Variants in PTGER4 observed in about 807,000 individuals in gnomAD.
PTGER4 encodes the protein prostaglandin E2 receptor EP4 subtype.
In PTGER4, 11 loss-of-function variants were observed where a neutral mutation model predicts 33.2. The observed-to-expected ratio is 0.33, with a 90% CI of 0.21 to 0.55. PTGER4 has a LOEUF of 0.55. Ranked by LOEUF, PTGER4 falls within the 20% of genes least tolerant of loss-of-function variation. PTGER4 has a pLI of 0.92. For missense variants in PTGER4, 481 were observed against 650.2 expected, an observed-to-expected ratio of 0.74 and a Z score of 2.83; for synonymous variants, 275 against 281.5, an observed-to-expected ratio of 0.98 and a Z score of 0.23.
the PTGER4 span, chr5:40,716,296 G>GC: frequency 6.2e-7 from 1 of 1,614,140 alleles, no homozygotes; most frequent in Non-Finnish European, 8.5e-7. Context: ...TGCACAAACA[G>GC]CAACAATCTC....
the PTGER4 span, among the ~76,000 whole-genome samples, chr5:40,743,879 C>A: frequency 6.6e-6 from 1 of 152,178 alleles, no homozygotes; most frequent in Non-Finnish European, 1.5e-5. Context: ...GTTCTCCATC[C>A]AAAATAAAGC....
the PTGER4 span, among the ~76,000 whole-genome samples, chr5:40,723,846 C>T: frequency 1.3e-5 from 2 of 152,004 alleles, no homozygotes; most frequent in Non-Finnish European, 2.9e-5. Flanking sequence ...GCCTGGGCGA[C>T]AGAGCAAGAT....
At chr5:40,716,492 G>A in the PTGER4 span, 73 of 1,582,902 alleles carry the variant, frequency 4.6e-5, no homozygotes, top group African/African-American at 8.2e-5. Flanking sequence ...TGAAAACTTC[G>A]AATTGCCTAG....
the PTGER4 span, among the ~76,000 whole-genome samples, chr5:40,710,280 A>T: frequency 2.6e-5 from 4 of 152,230 alleles, no homozygotes; most frequent in African/African-American, 9.6e-5. Flanking sequence ...ATGAACAGAC[A>T]TTTCTCAAAA....
the PTGER4 span, among the ~76,000 whole-genome samples, chr5:40,723,870 A>AAAAC: frequency 1.3e-5 from 2 of 152,186 alleles, no homozygotes; most frequent in African/African-American, 4.8e-5. Flanking sequence ...CTCTCAAAAA[A>AAAAC]AAACAAACAA....
At chr5:40,684,545 G>A (rs1406118626) in intron 2 of PTGER4, among the ~76,000 whole-genome samples, 1 of 152,056 alleles carries the variant, frequency 6.6e-6, no homozygotes, top group Non-Finnish European at 1.5e-5. Context: ...GAGGGGGGTT[G>A]GTATTGAGTT....
chr5:40,716,510 G>A, the PTGER4 span: 7 of 1,557,672 alleles, frequency 4.5e-6, no homozygotes, highest in Non-Finnish European at 6.1e-6. Context: ...TAGAAAATAA[G>A]GTCAGAGTTT....
Position 40,692,565 on chromosome 5 carries a change from C to A in PTGER4, c.*187C>A, listed in dbSNP as rs569048711. 7.2e-7 allele frequency: 1 copy of A among 1,384,200 alleles called. No individual in the cohort carries two copies. Among genetic ancestry groups the A allele is most frequent in the Non-Finnish European group, 9.3e-7 (1 of 1,071,640 alleles). 85.7% of individuals were successfully genotyped at this position (1,384,200 alleles called of 1,614,324 possible). Reference sequence around the variant, plus strand: ...TGACTCACGTGGGTCCTGAGGCCTGCAGCACGTCGGATGCTACCCCACTAT... The same window carrying A: ...TGACTCACGTGGGTCCTGAGGCCTGAAGCACGTCGGATGCTACCCCACTAT... On this transcript the variant is annotated 3_prime_UTR_variant, in exon 3 of 3. Transcript: ENST00000302472.
At chr5:40,719,213 T>C in the PTGER4 span, among the ~76,000 whole-genome samples, 1 of 152,200 alleles carries the variant, frequency 6.6e-6, no homozygotes, top group Non-Finnish European at 1.5e-5. Flanking sequence ...TGGCAGTTAC[T>C]CCTCATTTCT....
chr5:40,725,898 G>A, the PTGER4 span, among the ~76,000 whole-genome samples: 1 of 149,720 alleles, frequency 6.7e-6, no homozygotes, highest in Non-Finnish European at 1.5e-5. Flanking sequence ...CCATTCTCCT[G>A]CCTCAGCCTC....
the PTGER4 span, among the ~76,000 whole-genome samples, chr5:40,737,223 G>C: frequency 6.6e-6 from 1 of 151,740 alleles, no homozygotes; most frequent in African/African-American, 2.4e-5. Context: ...CTTGAACCTG[G>C]AAAGTGGAGA....
chr5:40,690,518 T>C (rs1200323749), intron 2 of PTGER4, among the ~76,000 whole-genome samples: 2 of 152,234 alleles, frequency 1.3e-5, no homozygotes, highest in Non-Finnish European at 2.9e-5. Flanking sequence ...TGAAATGTGA[T>C]GTCTTTCCTT....
chr5:40,724,452 G>A, the PTGER4 span, among the ~76,000 whole-genome samples: 5 of 152,044 alleles, frequency 3.3e-5, no homozygotes, highest in Non-Finnish European at 7.4e-5. Context: ...GGCCAACACG[G>A]TGAAACCCTG....
At chr5:40,733,319 T>C in the PTGER4 span, among the ~76,000 whole-genome samples, 1 of 152,272 alleles carries the variant, frequency 6.6e-6, no homozygotes, top group Non-Finnish European at 1.5e-5. Flanking sequence ...GTCCATATAG[T>C]AAACATTTTA....
chr5:40,711,866 G>A, the PTGER4 span, among the ~76,000 whole-genome samples: 1 of 151,938 alleles, frequency 6.6e-6, no homozygotes, highest in Non-Finnish European at 1.5e-5. Context: ...CAAATCTAAC[G>A]TATAGCCACA....
rs1741206500 is a variant in PTGER4, at chr5:40,681,956, A to G, written c.867+96A>G. The G allele has an allele frequency of 1.4e-6, 2 of 1,389,198 alleles. No homozygotes were observed. Among genetic ancestry groups the G allele is most frequent in the Non-Finnish European group, 1.9e-6 (2 of 1,053,352 alleles). The allele number at this position is 1,389,198 out of a possible 1,614,324, so 86.1% of individuals were successfully genotyped here. A position where few individuals can be genotyped will look rare whatever the true frequency, so the allele number is the denominator to read the frequency against. On this transcript the variant is annotated intron_variant, in intron 2 of 2. Coordinates refer to ENST00000302472, the MANE Select transcript of PTGER4 (RefSeq NM_000958.3). The surrounding 1 kb of genome is among the most constrained non-coding windows in gnomAD (Gnocchi z 9.8). The stretch of plus-strand genomic sequence containing the variant: ...CCTGCTTTCCCTCTGAGTCCTTGGC[A>G]GTGAACGTGTCGCCTTTAGGTCGGG...
Position 40,681,023 on chromosome 5 carries a change from C to A in PTGER4, c.30C>A (p.Ala10=). ...CCACTCCCGGGGTCAATTCGTCCGC[C>A]TCCTTGAGCCCCGACCGGCTGAACA... MSTPGVNSS[A]SLSPDRLNSP... is the part of the protein sequence containing the mutation. The change falls in exon 2 of 3, where the codon GCC becomes GCA. Residue 10 remains alanine, a synonymous_variant. Coordinates refer to ENST00000302472, the MANE Select transcript of PTGER4 (RefSeq NM_000958.3). This position sits in a 1 kb window ranked among gnomAD's most constrained non-coding sequence, Gnocchi z 9.8. 6.2e-7 allele frequency: 1 copy of A among 1,613,728 alleles called. No homozygotes were observed. The highest frequency in any genetic ancestry group is 8.5e-7 in the Non-Finnish European group (1 of 1,179,840).
chr5:40,720,026 A>C, the PTGER4 span, among the ~76,000 whole-genome samples: 45,264 of 152,042 alleles, frequency 0.3, 6,993 homozygotes, highest in East Asian at 0.56. Flanking sequence ...TTTGAAGCAC[A>C]AAAGTGTTTA....
chr5:40,724,443 G>A, the PTGER4 span, among the ~76,000 whole-genome samples: 1 of 151,982 alleles, frequency 6.6e-6, no homozygotes, highest in African/African-American at 2.4e-5. Context: ...GACCAGCCTG[G>A]CCAACACGGT....
Sources: allele counts gnomAD v4.1 joint callset (sites outside exome capture counted in the v4.1 genomes callset), GRCh38; gene constraint gnomAD v4.1.1; non-coding constraint Gnocchi (gnomAD v3.1); transcripts MANE v1.5; gene names NCBI Gene and HGNC (gene_info 2026-07-23, HGNC 2026-07-21).